TPTE: variants seen among roughly 807,000 people sequenced by gnomAD.
The protein encoded by TPTE is transmembrane phosphatase with tensin homology, also known as putative tyrosine-protein phosphatase TPTE.
In TPTE, 59 loss-of-function variants were observed where a neutral mutation model predicts 84.1. The observed-to-expected ratio is 0.70, with a 90% CI of 0.57 to 0.87. The LOEUF (loss-of-function observed/expected upper bound fraction) is 0.87, where lower values mean the gene tolerates loss of function less well. Ranked by LOEUF, TPTE falls within the 40% of genes least tolerant of loss-of-function variation. The pLI is 0.00. For synonymous variants in TPTE, 130 were observed against 223.5 expected, an observed-to-expected ratio of 0.58 and a Z score of 3.73; for missense variants, 382 against 659.6, an observed-to-expected ratio of 0.58 and a Z score of 4.61.
At chr21:10,571,415 T>C (rs576082206) in intron 14 of TPTE, among the ~76,000 whole-genome samples, 2 of 152,420 alleles carry the variant, frequency 1.3e-5, no homozygotes, top group East Asian at 3.9e-4. Context: ...TTCTCCCAGA[T>C]GTGCAAAAAT....
chr21:10,604,268 T>G (rs1196570997), intron 23 of TPTE, among the ~76,000 whole-genome samples: 1 of 152,310 alleles, frequency 6.6e-6, no homozygotes, highest in Non-Finnish European at 1.5e-5. Flanking sequence ...GAAACTCATT[T>G]CTCAGTCTAG....
intron 3 of TPTE, 80 bp downstream of exon 3, chr21:10,527,492 T>C (rs1173576401): frequency 1.3e-5 from 2 of 152,768 alleles, no homozygotes; most frequent in African/African-American, 4.8e-5. Context: ...ACTTTAAGCA[T>C]CTTTGGTAAC....
intron 14 of TPTE, among the ~76,000 whole-genome samples, chr21:10,574,833 G>A (rs2075119194): frequency 1.3e-5 from 2 of 152,310 alleles, no homozygotes; most frequent in Non-Finnish European, 2.9e-5. Context: ...CAGGGCTGTG[G>A]ATCTGATACA....
chr21:10,604,320 A>G (rs867240041), intron 23 of TPTE, among the ~76,000 whole-genome samples: 6 of 152,418 alleles, frequency 3.9e-5, no homozygotes, highest in Middle Eastern at 3.4e-3. Context: ...TGATGGTGAA[A>G]AATTGAGACT....
At chr21:10,529,914 A>AT (rs71326370) in intron 3 of TPTE, among the ~76,000 whole-genome samples, 21,805 of 134,214 alleles carry the variant, frequency 0.16, 30 homozygotes, top group African/African-American at 0.41. Flanking sequence ...CAAAATGGTG[A>AT]TTTTTTTTTT....
At chr21:10,548,809 G>A (rs542166030) in intron 7 of TPTE, among the ~76,000 whole-genome samples, 6 of 152,424 alleles carry the variant, frequency 3.9e-5, no homozygotes, top group East Asian at 1.9e-4. Flanking sequence ...GGCCACTCCT[G>A]GAGTGCATGC....
At chr21:10,603,513 G>A (rs1568799928) in intron 22 of TPTE, 49 bp from the exon 23 acceptor site, 1 of 1,537,424 alleles carries the variant, frequency 6.5e-7, no homozygotes. Context: ...TCTTTGGAAT[G>A]ATTAGTTCTT....
At chr21:10,557,169 G>A (rs1256812412) in intron 8 of TPTE, among the ~76,000 whole-genome samples, 1 of 152,310 alleles carries the variant, frequency 6.6e-6, no homozygotes, top group Non-Finnish European at 1.5e-5. Flanking sequence ...TTGTTTTTAG[G>A]AAAGGTACAT....
intron 7 of TPTE, among the ~76,000 whole-genome samples, chr21:10,550,032 A>C (rs1235071576): frequency 6.6e-6 from 1 of 152,308 alleles, no homozygotes; most frequent in African/African-American, 2.4e-5. Flanking sequence ...GAAAGAAAAA[A>C]ATCTTTCAGC....
intron 10 of TPTE, among the ~76,000 whole-genome samples, chr21:10,563,622 C>T (rs910463639): frequency 1.3e-5 from 2 of 152,302 alleles, no homozygotes; most frequent in African/African-American, 4.8e-5. Context: ...ATGGTAACCT[C>T]AAACCAAAAA....
At chr21:10,529,443 A>G (rs998518672) in intron 3 of TPTE, among the ~76,000 whole-genome samples, 1 of 152,312 alleles carries the variant, frequency 6.6e-6, no homozygotes, top group African/African-American at 2.4e-5. Flanking sequence ...GAGTTAACAC[A>G]AAAGTAGACT....
rs1034867365 is a variant in TPTE at position 10,542,403 on chromosome 21, C to G, written c.74C>G (p.Thr25Arg). The change falls in exon 6 of 24, where the codon ACA becomes AGA. Residue 25 changes from threonine (T) to arginine (R), a missense_variant. Thr to Arg is a moderately conservative substitution (Grantham distance 71, BLOSUM62 -1). Transcript: ENST00000618007. ...CTCTTATCATCCACTAGTCCACAGA[C>G]AAGTGAATTTAAAGGAGCAACCGAG... ...IELGPNDSPQ[T>R]SEFKGATEEA... The G allele has an allele frequency of 2.5e-6, 4 of 1,611,558 alleles. No individual in the cohort carries two copies. In the African/African-American group the frequency reaches 5.3e-5, roughly 22 times the overall value.
intron 17 of TPTE, 27 bp downstream of exon 17, chr21:10,578,632 C>A (rs751510607): frequency 1.9e-6 from 3 of 1,611,588 alleles, no homozygotes; most frequent in Non-Finnish European, 2.5e-6. Context: ...TTTTATTTCT[C>A]CATTTCTAAA....
At chr21:10,591,228 CTCAG>C (rs1392543669) in intron 18 of TPTE, among the ~76,000 whole-genome samples, 1 of 152,426 alleles carries the variant, frequency 6.6e-6, no homozygotes, top group Non-Finnish European at 1.5e-5. Context: ...AAGCAGAGTT[CTCAG>C]TCATTTTTCT....
chr21:10,560,259 ATTTAC>A (rs1203103223), intron 9 of TPTE, among the ~76,000 whole-genome samples: 1 of 152,424 alleles, frequency 6.6e-6, no homozygotes, highest in African/African-American at 2.4e-5. Context: ...TCTGGAAACA[ATTTAC>A]TTAGACTCTT....
chr21:10,559,596 G>A (rs544458998), intron 9 of TPTE, 52 bp downstream of exon 9: 1 of 1,611,432 alleles, frequency 6.2e-7, no homozygotes, highest in East Asian at 2.2e-5. Flanking sequence ...AGACTTGGCT[G>A]GGCACGGTGG....
intron 6 of TPTE, 103 bp downstream of exon 6, chr21:10,542,551 C>CCATCCATCCATCCATCCATT: frequency 7.2e-7 from 1 of 1,388,434 alleles, no homozygotes; most frequent in East Asian, 2.4e-5. Flanking sequence ...ATCCATCCAT[C>CCATCCATCCATCCATCCATT]CATCCATCCA....
chr21:10,587,693 G>A (rs1279793038), intron 17 of TPTE, among the ~76,000 whole-genome samples: 1 of 152,294 alleles, frequency 6.6e-6, no homozygotes, highest in Non-Finnish European at 1.5e-5. Context: ...GGGATTACAA[G>A]CGCCTGCCAC....
chr21:10,601,500 CAAAA>C (rs568600238), intron 21 of TPTE, among the ~76,000 whole-genome samples: 3 of 149,638 alleles, frequency 2.0e-5, no homozygotes, highest in South Asian at 2.1e-4. Context: ...CTGTCTCAAA[CAAAA>C]AAAAAAGAAA....
Sources: gnomAD v4.1 joint callset for allele counts (sites outside exome capture counted in the v4.1 genomes callset) on GRCh38, gnomAD v4.1.1 for gene constraint, MANE v1.5 for transcripts, NCBI Gene and HGNC (gene_info 2026-07-23, HGNC 2026-07-21) for gene names.